SLC26A7: variants seen among roughly 807,000 people sequenced by gnomAD.
The protein encoded by SLC26A7 is solute carrier family 26 member 7.
A neutral mutation model predicts 82.5 loss-of-function variants in SLC26A7; 59 were observed. The ratio of observed to expected loss-of-function variants is 0.72; its 90% CI spans 0.58 to 0.89. SLC26A7 has a LOEUF of 0.89. SLC26A7 is among the 40% of genes least tolerant of loss of function. The pLI, the probability that SLC26A7 is intolerant of heterozygous loss-of-function variation, is 0.00. For synonymous variants in SLC26A7, 271 were observed against 274.3 expected (o/e 0.99, Z 0.12); for missense variants, 820 against 793.0 (o/e 1.03, Z -0.41).
At chr8:91,339,540 A>G (rs1813340680) in intron 7 of SLC26A7, among the ~76,000 whole-genome samples, 1 of 152,154 alleles carries the variant, frequency 6.6e-6, no homozygotes, top group Non-Finnish European at 1.5e-5. Context: ...TAAAATAGCT[A>G]TTATGAAAGG....
intron 5 of SLC26A7, among the ~76,000 whole-genome samples, chr8:91,325,770 T>G (rs1812916183): frequency 6.6e-6 from 1 of 152,196 alleles, no homozygotes; most frequent in African/African-American, 2.4e-5. Flanking sequence ...AAAAATTCTT[T>G]GCTGGACTGA....
intron 2 of SLC26A7, among the ~76,000 whole-genome samples, chr8:91,239,849 C>A (rs2130684432): frequency 6.6e-6 from 1 of 152,284 alleles, no homozygotes; most frequent in East Asian, 1.9e-4. Flanking sequence ...GAAAACATTT[C>A]ATTCAAATTG....
At chr8:91,310,521 G>C (rs1459455071) in intron 4 of SLC26A7, among the ~76,000 whole-genome samples, 1 of 152,040 alleles carries the variant, frequency 6.6e-6, no homozygotes, top group Non-Finnish European at 1.5e-5. Context: ...GACAAATCAG[G>C]TTACTAGATT....
intron 15 of SLC26A7, among the ~76,000 whole-genome samples, chr8:91,373,654 T>C (rs1168488130): frequency 6.6e-6 from 1 of 151,888 alleles, no homozygotes; most frequent in African/African-American, 2.4e-5. Flanking sequence ...TTTTGTGTCT[T>C]TGTTCATCAG....
intron 11 of SLC26A7, 75 bp from the exon 12 acceptor site, chr8:91,362,278 G>A: frequency 9.8e-7 from 1 of 1,022,258 alleles, no homozygotes; most frequent in Middle Eastern, 2.2e-4. Context: ...GAATATGATT[G>A]TGAGGAACTT....
intron 13 of SLC26A7, 52 bp from the exon 14 acceptor site, chr8:91,366,528 T>C: frequency 6.3e-7 from 1 of 1,576,374 alleles, no homozygotes; most frequent in African/African-American, 1.4e-5. Flanking sequence ...TGATTGTTTA[T>C]TGGCTATAAT....
chr8:91,253,733 A>G (rs1012238982), intron 2 of SLC26A7, among the ~76,000 whole-genome samples: 10 of 152,088 alleles, frequency 6.6e-5, no homozygotes, highest in Admixed American at 4.6e-4. Context: ...TACTTTTTAC[A>G]TATCTCTTTG....
intron 2 of SLC26A7, among the ~76,000 whole-genome samples, chr8:91,264,906 ATCT>A (rs1164364716): frequency 1.3e-5 from 2 of 151,988 alleles, no homozygotes; most frequent in African/African-American, 4.8e-5. Flanking sequence ...AACTTTCAGA[ATCT>A]TCTTTTCTAG....
chr8:91,326,650 T>A (rs545629955), intron 5 of SLC26A7, among the ~76,000 whole-genome samples: 1 of 152,338 alleles, frequency 6.6e-6, no homozygotes, highest in East Asian at 1.9e-4. Flanking sequence ...CCCATAATAC[T>A]TTCTTTGAGT....
At chr8:91,313,288 G>A (rs949844313) in intron 4 of SLC26A7, among the ~76,000 whole-genome samples, 2 of 152,084 alleles carry the variant, frequency 1.3e-5, no homozygotes, top group East Asian at 3.8e-4. Flanking sequence ...CAAAAATCAT[G>A]TGACCATGTA....
intron 11 of SLC26A7, among the ~76,000 whole-genome samples, chr8:91,353,874 C>G (rs866681479): frequency 6.6e-6 from 1 of 152,000 alleles, no homozygotes; most frequent in African/African-American, 2.4e-5. Context: ...TCTCTCTAGA[C>G]AGTTATTTGT....
rs950517310 is a variant in SLC26A7, at chr8:91,318,286, C to A, written c.548C>A (p.Thr183Lys). The A allele has an allele frequency of 6.2e-7, 1 of 1,612,554 alleles. No individual in the cohort carries two copies. The highest frequency in any genetic ancestry group is 8.5e-7 in the Non-Finnish European group (1 of 1,179,222). Residue 183 changes from threonine (T) to lysine (K), a missense_variant, in exon 5 of 19, where the codon ACA (threonine) becomes AAA (lysine). Physicochemically the swap from Thr to Lys is moderately conservative, Grantham distance 78. Transcript: ENST00000276609. Reference sequence around the variant, plus strand: ...ACAGAGCCTGTGATCAGCGCAATGACAACTGGGGCTGCCACCCATGTGGTG... The same window carrying A: ...ACAGAGCCTGTGATCAGCGCAATGAAAACTGGGGCTGCCACCCATGTGGTG... ...VVTEPVISAM[T>K]TGAATHVVTS...
intron 2 of SLC26A7, among the ~76,000 whole-genome samples, chr8:91,221,862 G>A (rs908059013): frequency 2.0e-5 from 3 of 151,782 alleles, no homozygotes; most frequent in Admixed American, 1.3e-4. Context: ...AGGGTCTTCT[G>A]TGATTCCATA....
intron 13 of SLC26A7, among the ~76,000 whole-genome samples, chr8:91,365,684 GA>G (rs1814172601): frequency 6.6e-6 from 1 of 152,088 alleles, no homozygotes; most frequent in Non-Finnish European, 1.5e-5. Context: ...CTCATTTTTG[GA>G]AATGAGGGAA....
chr8:91,300,042 A>G (rs1812121344), intron 4 of SLC26A7, among the ~76,000 whole-genome samples: 1 of 152,202 alleles, frequency 6.6e-6, no homozygotes, highest in Non-Finnish European at 1.5e-5. Context: ...TTGTATAAAA[A>G]GAAACTTGCT....
At chr8:91,379,100 T>C (rs182181638) in intron 15 of SLC26A7, among the ~76,000 whole-genome samples, 11 of 151,688 alleles carry the variant, frequency 7.3e-5, no homozygotes, top group Admixed American at 5.9e-4. Flanking sequence ...TAAATAAAAA[T>C]GTATAGACCT....
chr8:91,370,939 G>A (rs949368438), intron 15 of SLC26A7, among the ~76,000 whole-genome samples: 2 of 151,452 alleles, frequency 1.3e-5, no homozygotes, highest in African/African-American at 2.4e-5. Context: ...GATTTTTATT[G>A]GAAATCTTTG....
chr8:91,215,419 T>C (rs940987697), intron 1 of SLC26A7, among the ~76,000 whole-genome samples: 1 of 152,158 alleles, frequency 6.6e-6, no homozygotes, highest in African/African-American at 2.4e-5. Context: ...ACCAATTATG[T>C]TGAATGATTT....
chr8:91,289,309 G>T lies in SLC26A7; in HGVS notation c.304+63G>T, dbSNP rs1811800047. On this transcript the variant is annotated intron_variant, in intron 3 of 18. Coordinates refer to ENST00000276609, the MANE Select transcript of SLC26A7 (RefSeq NM_052832.4). ...CAAAAAAGACTTAGTGATTATTACT[G>T]ATTACATCTCCTTAGCAGTGTTAAT... is the stretch of plus-strand genomic sequence containing the variant. 5.6e-6 allele frequency: 7 copies of T among 1,243,754 alleles called. No individual in the cohort carries two copies. In the Admixed American group the frequency reaches 1.0e-4, roughly 18 times the overall value. 77.0% of individuals were successfully genotyped at this position (1,243,754 alleles called of 1,614,324 possible). A position where few individuals can be genotyped will look rare whatever the true frequency, so the allele number is the denominator to read the frequency against.
Sources: allele counts gnomAD v4.1 joint callset (sites outside exome capture counted in the v4.1 genomes callset), GRCh38; gene constraint gnomAD v4.1.1; transcripts MANE v1.5; gene names NCBI Gene and HGNC (gene_info 2026-07-23, HGNC 2026-07-21).